ADGRL3: variants seen among roughly 807,000 people sequenced by gnomAD.
ADGRL3 encodes adhesion G protein-coupled receptor L3.
In ADGRL3, 62 loss-of-function variants were observed where a neutral mutation model predicts 153.5. The observed-to-expected ratio is 0.40, with a 90% CI of 0.33 to 0.50. The LOEUF (loss-of-function observed/expected upper bound fraction) is 0.50, where lower values mean the gene tolerates loss of function less well. Ranked by LOEUF, ADGRL3 falls within the 20% of genes least tolerant of loss-of-function variation. ADGRL3 has a pLI of 0.47. For missense variants in ADGRL3, 1,641 were observed against 1,859.4 expected (o/e 0.88, Z 2.16); for synonymous variants, 710 against 672.5 (o/e 1.06, Z -0.86).
intron 1 of ADGRL3, among the ~76,000 whole-genome samples, chr4:61,278,670 T>A (rs941427679): frequency 2.0e-5 from 3 of 151,912 alleles, no homozygotes; most frequent in Non-Finnish European, 4.4e-5. Flanking sequence ...TGCCCACTAA[T>A]TTTTTTGTAT....
rs557812412 is a variant in ADGRL3 at position 61,347,564 on chromosome 4, G to C, written c.-239-35560G>C. ...CCTACGTTAACCCCCCTTCCCTCTG[G>C]CCTCATATTTAAAGTCCTTGGAAAG... On this transcript the variant is annotated intron_variant, in intron 1 of 26. Coordinates refer to ENST00000683033, the MANE Select transcript of ADGRL3 (RefSeq NM_001387552.1). 1.3e-4 allele frequency among the ~76,000 whole-genome samples: 20 copies of C among 152,050 alleles called. No individual in the cohort carries two copies. The East Asian group carries it at 3.5e-3, about 26-fold the overall frequency.
At chr4:61,996,723 A>G (rs1468038871) in intron 20 of ADGRL3, among the ~76,000 whole-genome samples, 1 of 152,146 alleles carries the variant, frequency 6.6e-6, no homozygotes, top group East Asian at 1.9e-4. Flanking sequence ...GAACTGACAG[A>G]ACTTAGAAAG....
At chr4:61,788,082 G>C (rs1266890779) in intron 8 of ADGRL3, among the ~76,000 whole-genome samples, 1 of 152,134 alleles carries the variant, frequency 6.6e-6, no homozygotes, top group Non-Finnish European at 1.5e-5. Context: ...ATTGGGAATT[G>C]TGCTGCTATA....
chr4:61,923,269 A>G (rs1441132092), intron 13 of ADGRL3, among the ~76,000 whole-genome samples: 2 of 152,228 alleles, frequency 1.3e-5, no homozygotes, highest in African/African-American at 2.4e-5. Flanking sequence ...TGATTCTTAT[A>G]ACTTCAGCTA....
intron 1 of ADGRL3, among the ~76,000 whole-genome samples, chr4:61,245,099 C>G (rs1218541509): frequency 6.6e-6 from 1 of 152,054 alleles, no homozygotes; most frequent in East Asian, 1.9e-4. Context: ...ATTCTTGTTT[C>G]CTTCTTGTCC....
chr4:61,844,575 A>ATAT (rs71213013), intron 9 of ADGRL3, among the ~76,000 whole-genome samples: 41 of 18,090 alleles, frequency 2.3e-3, no homozygotes, highest in East Asian at 3.5e-3. Context: ...AAAAAAAAAA[A>ATAT]ATATATATAT....
At chr4:61,848,826 T>G (rs976894495) in intron 9 of ADGRL3, among the ~76,000 whole-genome samples, 1 of 152,166 alleles carries the variant, frequency 6.6e-6, no homozygotes, top group African/African-American at 2.4e-5. Context: ...GAGGTTCTCC[T>G]GTGTATAAAT....
At chr4:61,798,580 G>A (rs1462116378) in intron 8 of ADGRL3, among the ~76,000 whole-genome samples, 4 of 151,394 alleles carry the variant, frequency 2.6e-5, no homozygotes, top group African/African-American at 7.3e-5. Context: ...AAGGAAAGTA[G>A]GACTCATTTA....
chr4:61,244,979 T>C (rs936644002), intron 1 of ADGRL3, among the ~76,000 whole-genome samples: 3 of 152,032 alleles, frequency 2.0e-5, no homozygotes, highest in Non-Finnish European at 2.9e-5. Context: ...TGGGGCACTA[T>C]CCACACAATC....
intron 2 of ADGRL3, among the ~76,000 whole-genome samples, chr4:61,486,360 A>G (rs114196397): frequency 1.3e-3 from 194 of 152,312 alleles, no homozygotes; most frequent in African/African-American, 4.4e-3. Flanking sequence ...CTGGAATTCC[A>G]TTTATAACAC....
At chr4:61,891,204 G>T (rs1416336656) in intron 9 of ADGRL3, among the ~76,000 whole-genome samples, 7 of 112,694 alleles carry the variant, frequency 6.2e-5, no homozygotes, top group African/African-American at 2.1e-4. Flanking sequence ...GTGATGATTA[G>T]AAAGAAAAAA....
chr4:61,564,779 G>A (rs893134369), intron 4 of ADGRL3, among the ~76,000 whole-genome samples: 2 of 152,086 alleles, frequency 1.3e-5, no homozygotes, highest in South Asian at 2.1e-4. Context: ...TAAATACCTA[G>A]AGGCCATTGT....
chr4:62,043,030 T>C (rs1470875614), intron 24 of ADGRL3, among the ~76,000 whole-genome samples: 3 of 152,094 alleles, frequency 2.0e-5, no homozygotes, highest in Non-Finnish European at 4.4e-5. Context: ...ACATCTACAT[T>C]ACTGCAGGAG....
chr4:61,396,418 A>G (rs1380570686), intron 2 of ADGRL3, among the ~76,000 whole-genome samples: 2 of 151,954 alleles, frequency 1.3e-5, no homozygotes, highest in East Asian at 1.9e-4. Flanking sequence ...AGTATTTAAA[A>G]AAAAAACTTT....
At chr4:62,042,418 A>T (rs1431575601) in intron 24 of ADGRL3, among the ~76,000 whole-genome samples, 1 of 151,760 alleles carries the variant, frequency 6.6e-6, no homozygotes, top group African/African-American at 2.4e-5. Context: ...CAGAAAAAAA[A>T]ATATTTTATA....
chr4:61,813,335 A>T (rs1382486136), intron 8 of ADGRL3, among the ~76,000 whole-genome samples: 3 of 152,172 alleles, frequency 2.0e-5, no homozygotes, highest in Non-Finnish European at 4.4e-5. Flanking sequence ...CGGAGGTTGC[A>T]GTGAGTTGAG....
At chr4:61,784,977 A>G (rs887879882) in intron 8 of ADGRL3, among the ~76,000 whole-genome samples, 1 of 152,166 alleles carries the variant, frequency 6.6e-6, no homozygotes, top group African/African-American at 2.4e-5. Flanking sequence ...AAGTTTGTTA[A>G]GAAGAGTGAG....
chr4:61,317,033 A>G (rs2095236356), intron 1 of ADGRL3, among the ~76,000 whole-genome samples: 1 of 152,200 alleles, frequency 6.6e-6, no homozygotes, highest in African/African-American at 2.4e-5. Context: ...AGCTTCCACC[A>G]ATACTTACCT....
At chr4:61,865,886 A>C (rs1461928759) in intron 9 of ADGRL3, among the ~76,000 whole-genome samples, 2 of 152,216 alleles carry the variant, frequency 1.3e-5, no homozygotes, top group African/African-American at 4.8e-5. Context: ...ATAAAGATGA[A>C]TCTCTCACTT....
Sources: allele counts gnomAD v4.1 joint callset (sites outside exome capture counted in the v4.1 genomes callset), GRCh38; gene constraint gnomAD v4.1.1; transcripts MANE v1.5; gene names NCBI Gene and HGNC (gene_info 2026-07-23, HGNC 2026-07-21).